The following PIGG variants were observed in gnomAD, a reference collection of about 807,000 sequenced individuals.
The protein encoded by PIGG is phosphatidylinositol glycan anchor biosynthesis class G (EMM blood group).
In PIGG, 70 loss-of-function variants were observed where a neutral mutation model predicts 83.2. That is an observed-to-expected ratio of 0.84 (90% CI 0.69 to 1.03). The LOEUF is 1.03. Ranked by LOEUF, PIGG falls within the 50% of genes least tolerant of loss-of-function variation. The pLI is 0.00. For synonymous variants in PIGG, 532 were observed against 519.5 expected, an observed-to-expected ratio of 1.02 and a Z score of -0.33; for missense variants, 1,257 against 1,233.6, an observed-to-expected ratio of 1.02 and a Z score of -0.28.
intron 6 of PIGG, among the ~76,000 whole-genome samples, chr4:516,585 C>G (rs560659841): frequency 1.8e-4 from 27 of 151,384 alleles, no homozygotes; most frequent in Admixed American, 1.6e-3. Context: ...GGGCTGGGTG[C>G]GGTGGCTCAC....
At position 528,335 on chromosome 4, in the gene PIGG, A is replaced by G. The variant is rs1343953340; in HGVS notation, c.2261+1105A>G. On this transcript the variant is annotated intron_variant, in intron 10 of 12. Transcript: ENST00000453061. This position sits in a 1 kb window ranked among gnomAD's most constrained non-coding sequence, Gnocchi z 4.8. ...GGTCTTGCTTTTTACTTATTTTTGT[A>G]TCTTAGCGATGTCTAGAGTTAATAA... 56 of 984,904 alleles carry G rather than the reference A, an allele frequency of 5.7e-5. No individual in the cohort carries two copies. The highest frequency in any genetic ancestry group is 6.6e-5 in the Non-Finnish European group (55 of 829,702). 61.0% of individuals were successfully genotyped at this position (984,904 alleles called of 1,614,324 possible). A position where few individuals can be genotyped will look rare whatever the true frequency, so the allele number is the denominator to read the frequency against.
At chr4:503,347 C>T (rs1225961195) in intron 2 of PIGG, among the ~76,000 whole-genome samples, 2 of 152,226 alleles carry the variant, frequency 1.3e-5, no homozygotes, top group Non-Finnish European at 2.9e-5. Flanking sequence ...AGTTTACGCT[C>T]TGCCCAGTTT....
intron 10 of PIGG, chr4:527,704 G>C (rs929786353): frequency 1.0e-6 from 1 of 985,256 alleles, no homozygotes; most frequent in Non-Finnish European, 1.2e-6. Flanking sequence ...AATTTATAAC[G>C]AGCCCCCGTA....
intron 6 of PIGG, among the ~76,000 whole-genome samples, chr4:516,984 G>A (rs1026691831): frequency 1.3e-5 from 2 of 152,126 alleles, no homozygotes; most frequent in East Asian, 1.9e-4. Flanking sequence ...TGTGGGGGCA[G>A]CAGACAGGGT....
chr4:509,507 G>A (rs1484528228), intron 5 of PIGG, among the ~76,000 whole-genome samples: 2 of 152,166 alleles, frequency 1.3e-5, no homozygotes, highest in Non-Finnish European at 2.9e-5. Context: ...CTGTCCTGTC[G>A]GCGGCTGCCT....
In PIGG at chr4:539,316, GCTGT is replaced by G. The variant is rs2109074298; in HGVS notation, c.2904_2907del (p.Cys969TyrfsTer18). 1 of 1,613,674 alleles carries G rather than the reference GCTGT, an allele frequency of 6.2e-7. No individual in the cohort carries two copies. Among genetic ancestry groups the G allele is most frequent in the Non-Finnish European group, 8.5e-7 (1 of 1,179,630 alleles). On this transcript the variant is annotated frameshift_variant, in exon 13 of 13. Coordinates refer to ENST00000453061, the MANE Select transcript of PIGG (RefSeq NM_001127178.3). LOFTEE classifies it low-confidence loss of function (END_TRUNC). ...GGGAATGCACCTGCTCATTACAGCT[GCTGT>G]CTGTGTATTCTTCACGGCAATGGAT...
chr4:530,563 A>G lies in PIGG; in HGVS notation c.2389A>G (p.Ile797Val). 1 of 1,613,634 alleles carries G rather than the reference A, an allele frequency of 6.2e-7. No homozygotes were observed. The highest frequency in any genetic ancestry group is 8.5e-7 in the Non-Finnish European group (1 of 1,179,642). Reference protein sequence around the residue: ...FKLKTVGLWEIYSGLVLLAAL... With the variant: ...FKLKTVGLWEVYSGLVLLAAL... ...ACTCAAGACTGTAGGTTTATGGGAG[A>G]TATATAGTGGATTAGTTCTTCTGGC... Residue 797 changes from isoleucine (I) to valine (V), a missense_variant, in exon 11 of 13, where the codon ATA becomes GTA. Physicochemically the swap from Ile to Val is conservative, Grantham distance 29. Coordinates refer to ENST00000453061, the MANE Select transcript of PIGG (RefSeq NM_001127178.3).
chr4:519,566 C>A (rs896003801), intron 6 of PIGG, among the ~76,000 whole-genome samples: 4 of 152,252 alleles, frequency 2.6e-5, no homozygotes, highest in Non-Finnish European at 4.4e-5. Flanking sequence ...TCAGTTGCCT[C>A]CTCTGGATAA....
At chr4:536,162 G>C (rs1730552420) in intron 12 of PIGG, 1 of 152,380 alleles carries the variant, frequency 6.6e-6, no homozygotes, top group Non-Finnish European at 1.5e-5. Flanking sequence ...GACTCGGCGG[G>C]CCCGGGCTGG....
intron 10 of PIGG, among the ~76,000 whole-genome samples, chr4:529,448 A>G (rs1420622028): frequency 2.6e-5 from 4 of 152,214 alleles, no homozygotes; most frequent in Admixed American, 6.5e-5. Context: ...TAAACTGATC[A>G]AAGTTTACTT....
In PIGG at chr4:528,723, C is replaced by G. The variant is rs556200218; in HGVS notation, c.2261+1493C>G. On this transcript the variant is annotated intron_variant, in intron 10 of 12. Coordinates refer to ENST00000453061, the MANE Select transcript of PIGG (RefSeq NM_001127178.3). The surrounding 1 kb of genome is among the most constrained non-coding windows in gnomAD (Gnocchi z 4.8). The stretch of plus-strand genomic sequence containing the variant: ...TGAATAAATTCATTTCCTCACAGAT[C>G]TATACACTGAATTTCAGCATCACTC... 109 of 985,148 alleles carry G rather than the reference C, an allele frequency of 1.1e-4. No individual in the cohort carries two copies. The highest frequency in any genetic ancestry group is 1.3e-4 in the Non-Finnish European group (107 of 829,814). 61.0% of individuals were successfully genotyped at this position (985,148 alleles called of 1,614,324 possible). A position where few individuals can be genotyped will look rare whatever the true frequency, so the allele number is the denominator to read the frequency against.
chr4:535,812 T>C (rs575749830), intron 12 of PIGG, among the ~76,000 whole-genome samples: 11 of 152,180 alleles, frequency 7.2e-5, no homozygotes, highest in African/African-American at 2.4e-4. Flanking sequence ...GGTCATCCTC[T>C]CAGCTCCACG....
chr4:537,231 A>C (rs1730881085), intron 12 of PIGG: 1 of 152,204 alleles, frequency 6.6e-6, no homozygotes, highest in Non-Finnish European at 1.5e-5. Context: ...TATGTTTCCA[A>C]AAGGTCAAAA....
chr4:525,065 C>T (rs923029334), intron 9 of PIGG: 19 of 330,834 alleles, frequency 5.7e-5, no homozygotes, highest in Non-Finnish European at 7.3e-5. Flanking sequence ...GCAAGAAGGA[C>T]GGGGTCAGCC....
chr4:507,739 GCA>G, intron 4 of PIGG, 146 bp downstream of exon 4: 1 of 688,804 alleles, frequency 1.5e-6, no homozygotes, highest in Non-Finnish European at 2.5e-6. Flanking sequence ...CACACGGGCA[GCA>G]CTGTCTCAGT....
intron 10 of PIGG, chr4:527,791 CTG>C (rs1728067581): frequency 1.0e-6 from 1 of 985,442 alleles, no homozygotes; most frequent in African/African-American, 1.7e-5. Context: ...GTCAAAGCAA[CTG>C]TGTTTCTGAT....
chr4:521,561 C>A, intron 7 of PIGG, 99 bp from the exon 8 acceptor site: 1 of 1,137,856 alleles, frequency 8.8e-7, no homozygotes. Context: ...TCTGTTTTTA[C>A]TGTGTGGACA....
At position 499,275 on chromosome 4, in the gene PIGG, G is replaced by A. The variant is rs1716599245; in HGVS notation, c.-61G>A. The A allele has an allele frequency of 6.4e-6, 10 of 1,565,722 alleles. No homozygotes were observed. In the Admixed American group the frequency reaches 8.9e-5, roughly 14 times the overall value. On this transcript the variant is annotated 5_prime_UTR_variant, in exon 1 of 13. Coordinates refer to ENST00000453061, the MANE Select transcript of PIGG (RefSeq NM_001127178.3). ...GGCGGCTACCTGGAGCCGGAAGCGC[G>A]GCTGCAGCAGGGCGAGGCTCCAGGT...
Position 533,922 on chromosome 4 carries a change from C to T in PIGG, c.2676C>T (p.Tyr892=), listed in dbSNP as rs1436083431. ...PAVLLTAFGT[Y]AGPVLWASHL... ...TGCTCCTGACAGCGTTTGGGACGTACGCAGGGCCTGTGCTGTGGGCCAGCC... is the reference window on the plus strand; with the variant it reads ...TGCTCCTGACAGCGTTTGGGACGTATGCAGGGCCTGTGCTGTGGGCCAGCC... The change falls in exon 12 of 13, where the codon TAC becomes TAT. Residue 892 remains tyrosine, a synonymous_variant. Coordinates refer to ENST00000453061, the MANE Select transcript of PIGG (RefSeq NM_001127178.3). The T allele has an allele frequency of 1.3e-5, 21 of 1,614,042 alleles. No homozygotes were observed. The highest frequency in any genetic ancestry group is 2.2e-5 in the South Asian group (2 of 91,088).
Sources: gnomAD v4.1 joint callset for allele counts (sites outside exome capture counted in the v4.1 genomes callset) on GRCh38, gnomAD v4.1.1 for gene constraint, Gnocchi (gnomAD v3.1) non-coding constraint, MANE v1.5 for transcripts, NCBI Gene and HGNC (gene_info 2026-07-23, HGNC 2026-07-21) for gene names.